Variants in CCDC13 observed in about 807,000 individuals in gnomAD.
CCDC13 encodes coiled-coil domain containing 13.
A neutral mutation model predicts 87.3 loss-of-function variants in CCDC13; 70 were observed. That is an observed-to-expected ratio of 0.80 (90% CI 0.66 to 0.98). The LOEUF (loss-of-function observed/expected upper bound fraction) is 0.98. CCDC13 is among the 50% of genes least tolerant of loss of function. The pLI, the probability that CCDC13 is intolerant of heterozygous loss-of-function variation, is 0.00. For missense variants in CCDC13, 842 were observed against 892.0 expected (o/e 0.94, Z 0.71); for synonymous variants, 317 against 360.3 (o/e 0.88, Z 1.36).
At chr3:42,715,309 CAA>C (rs60229512) in intron 13 of CCDC13, among the ~76,000 whole-genome samples, 70,367 of 143,554 alleles carry the variant, frequency 0.49, 16,884 homozygotes, top group African/African-American at 0.56. Flanking sequence ...AACTCTGTCT[CAA>C]AAAAAAAAAA....
chr3:42,721,278 G>C (rs1698554479), intron 13 of CCDC13, among the ~76,000 whole-genome samples: 1 of 152,132 alleles, frequency 6.6e-6, no homozygotes, highest in Non-Finnish European at 1.5e-5. Flanking sequence ...TTGTTGTCCT[G>C]TTTTAATCCT....
chr3:42,721,043 T>C (rs1698548738), intron 13 of CCDC13, among the ~76,000 whole-genome samples: 1 of 152,228 alleles, frequency 6.6e-6, no homozygotes, highest in Admixed American at 6.5e-5. Context: ...TAGAAAGCAT[T>C]GTCAAATATG....
intron 1 of CCDC13, among the ~76,000 whole-genome samples, chr3:42,764,168 T>C (rs1303843133): frequency 1.3e-5 from 2 of 152,312 alleles, no homozygotes; most frequent in East Asian, 3.9e-4. Flanking sequence ...AGAGAATAGA[T>C]TGTAAATGTT....
chr3:42,758,300 T>C lies in CCDC13; in HGVS notation c.46A>G (p.Lys16Glu). 6.2e-7 allele frequency: 1 copy of C among 1,613,354 alleles called. No homozygotes were observed. Among genetic ancestry groups the C allele is most frequent in the Non-Finnish European group, 8.5e-7 (1 of 1,180,014 alleles). ...TTGTGCTGCATCTCCTGCATTGCCTTGAACTGGAGCCGCAAAGTGTTCTGT... is the reference window on the plus strand; with the variant it reads ...TTGTGCTGCATCTCCTGCATTGCCTCGAACTGGAGCCGCAAAGTGTTCTGT... ...SSQNTLRLQF[K>E]AMQEMQHKRL... is the part of the protein sequence containing the mutation. The change falls in exon 2 of 16, where the codon AAG becomes GAG. Residue 16 changes from lysine to glutamate, a missense_variant. Physicochemically the swap from Lys to Glu is moderately conservative, Grantham distance 56. Coordinates refer to ENST00000310232, the MANE Select transcript of CCDC13 (RefSeq NM_144719.4).
chr3:42,724,129 TA>T (rs1698631625), intron 13 of CCDC13, among the ~76,000 whole-genome samples: 1 of 152,238 alleles, frequency 6.6e-6, no homozygotes, highest in Non-Finnish European at 1.5e-5. Context: ...CCATTTATAA[TA>T]GGGGAAATAA....
chr3:42,749,067 T>C (rs1699498661), intron 5 of CCDC13, among the ~76,000 whole-genome samples: 1 of 152,130 alleles, frequency 6.6e-6, no homozygotes, highest in African/African-American at 2.4e-5. Context: ...CCATCCTTTT[T>C]TTTAAAGTAT....
Position 42,766,886 on chromosome 3 carries a change from T to C in CCDC13, c.-7+6290A>G, listed in dbSNP as rs146960038. Among the ~76,000 whole-genome samples the C allele has an allele frequency of 7.7e-4, 117 of 152,128 alleles. No homozygotes were observed. The South Asian group carries it at 8.3e-3, about 11-fold the overall frequency. On this transcript the variant is annotated intron_variant, in intron 1 of 15. Transcript: ENST00000310232. Reference sequence around the variant, plus strand: ...TTCATGATAAAAGCTCTAAGTAAACTAGGAATAGAGGGGAACTTCTTCAAT... The same window carrying C: ...TTCATGATAAAAGCTCTAAGTAAACCAGGAATAGAGGGGAACTTCTTCAAT...
chr3:42,711,960 C>G (rs1381017691), intron 14 of CCDC13, among the ~76,000 whole-genome samples: 1 of 152,056 alleles, frequency 6.6e-6, no homozygotes, highest in East Asian at 1.9e-4. Flanking sequence ...CCTGGAGAAG[C>G]CACACTCCTA....
intron 13 of CCDC13, among the ~76,000 whole-genome samples, chr3:42,714,864 C>A (rs938608951): frequency 6.6e-6 from 1 of 152,132 alleles, no homozygotes; most frequent in African/African-American, 2.4e-5. Flanking sequence ...CCCAAAACAA[C>A]CTAAAGGCCC....
intron 12 of CCDC13, 31 bp downstream of exon 12, chr3:42,732,856 C>T: frequency 6.5e-7 from 1 of 1,535,592 alleles, no homozygotes; most frequent in South Asian, 1.2e-5. Context: ...TGGGAAAAAA[C>T]TGTGAGAGTC....
intron 7 of CCDC13, among the ~76,000 whole-genome samples, chr3:42,743,773 T>TTTCCCAAAGTGCC (rs1699309636): frequency 3.3e-5 from 5 of 151,280 alleles, no homozygotes; most frequent in African/African-American, 1.2e-4. Context: ...CCCAAAGTGC[T>TTTCCCAAAGTGCC]GGGCAAGGAG....
At chr3:42,712,886 T>A (rs1698344538) in intron 14 of CCDC13, among the ~76,000 whole-genome samples, 1 of 152,106 alleles carries the variant, frequency 6.6e-6, no homozygotes, top group Non-Finnish European at 1.5e-5. Context: ...AGGGCTAGGG[T>A]GGCTGGGGGC....
At chr3:42,731,150 T>C (rs1698819560) in intron 12 of CCDC13, among the ~76,000 whole-genome samples, 2 of 152,152 alleles carry the variant, frequency 1.3e-5, no homozygotes, top group African/African-American at 2.4e-5. Flanking sequence ...AGGTAAACTC[T>C]GCCCCCCAAC....
intron 3 of CCDC13, among the ~76,000 whole-genome samples, chr3:42,753,273 G>T (rs1450170590): frequency 1.3e-5 from 2 of 152,202 alleles, no homozygotes; most frequent in African/African-American, 4.8e-5. Flanking sequence ...GAGACATGTT[G>T]AACAAAGTGG....
At chr3:42,715,097 G>A (rs2125870398) in intron 13 of CCDC13, among the ~76,000 whole-genome samples, 1 of 149,232 alleles carries the variant, frequency 6.7e-6, no homozygotes, top group Non-Finnish European at 1.5e-5. Flanking sequence ...TCTGAGACCA[G>A]ACCAGCCTGG....
At chr3:42,771,181 ATTG>A (rs1167457417) in intron 1 of CCDC13, 2 of 152,270 alleles carry the variant, frequency 1.3e-5, no homozygotes, top group Non-Finnish European at 2.9e-5. Flanking sequence ...CTAAATGTGT[ATTG>A]TTAAGTGAAG....
At chr3:42,752,790 A>G in intron 3 of CCDC13, 73 bp from the exon 4 acceptor site, 1 of 1,558,982 alleles carries the variant, frequency 6.4e-7, no homozygotes, top group Non-Finnish European at 8.7e-7. Flanking sequence ...CACCACTAAC[A>G]GCACCAGGGT....
At chr3:42,771,186 T>G (rs1236693128) in intron 1 of CCDC13, 1 of 152,246 alleles carries the variant, frequency 6.6e-6, no homozygotes, top group African/African-American at 2.4e-5. Context: ...TGTGTATTGT[T>G]AAGTGAAGAA....
chr3:42,753,759 G>C (rs1378465194), intron 3 of CCDC13, among the ~76,000 whole-genome samples: 1 of 152,190 alleles, frequency 6.6e-6, no homozygotes, highest in East Asian at 1.9e-4. Flanking sequence ...CACCTAGGAA[G>C]AACATTCTAA....
Sources: allele counts gnomAD v4.1 joint callset (sites outside exome capture counted in the v4.1 genomes callset), GRCh38; gene constraint gnomAD v4.1.1; transcripts MANE v1.5; gene names NCBI Gene and HGNC (gene_info 2026-07-23, HGNC 2026-07-21).